Variants in DPF3 observed in about 807,000 individuals in gnomAD.
DPF3 encodes double PHD fingers 3.
In DPF3, 18 loss-of-function variants were observed where a neutral mutation model predicts 56.8. The ratio of observed to expected loss-of-function variants is 0.32; its 90% CI spans 0.22 to 0.47. DPF3 has a LOEUF of 0.47. Ranked by LOEUF, DPF3 falls within the 20% of genes least tolerant of loss-of-function variation. The pLI, the probability that DPF3 is intolerant of heterozygous loss-of-function variation, is 1.00. For missense variants in DPF3, 403 were observed against 488.8 expected, an observed-to-expected ratio of 0.82 and a Z score of 1.65; for synonymous variants, 188 against 180.2, an observed-to-expected ratio of 1.04 and a Z score of -0.35.
intron 1 of DPF3, among the ~76,000 whole-genome samples, chr14:72,852,522 C>T (rs145376047): frequency 0.014 from 2,138 of 152,308 alleles, 44 homozygotes; most frequent in African/African-American, 0.049. Context: ...TGCCTGGCTG[C>T]TCTTTCCATC....
chr14:72,742,443 T>G (rs1260012342), intron 3 of DPF3: 15 of 151,542 alleles, frequency 9.9e-5, no homozygotes, highest in Admixed American at 9.3e-4. Flanking sequence ...GGCTCACACC[T>G]GGCTCGAGGC....
chr14:72,673,447 T>C (rs1567196433), intron 8 of DPF3, among the ~76,000 whole-genome samples: 1 of 152,044 alleles, frequency 6.6e-6, no homozygotes, highest in Non-Finnish European at 1.5e-5. Context: ...TAATACAATA[T>C]GAAAAATAGG....
At chr14:72,842,404 G>A (rs1884582710) in intron 1 of DPF3, among the ~76,000 whole-genome samples, 1 of 152,226 alleles carries the variant, frequency 6.6e-6, no homozygotes, top group East Asian at 1.9e-4. Context: ...CGATGAGAAT[G>A]AATGATCTAC....
At chr14:72,789,914 C>T (rs1375996449) in intron 1 of DPF3, among the ~76,000 whole-genome samples, 1 of 152,210 alleles carries the variant, frequency 6.6e-6, no homozygotes, top group African/African-American at 2.4e-5. Flanking sequence ...AGCTCTGGCA[C>T]TCATTCTTTT....
At chr14:72,629,347 G>A in intron 9 of DPF3, among the ~76,000 whole-genome samples, 1 of 152,124 alleles carries the variant, frequency 6.6e-6, no homozygotes, top group Non-Finnish European at 1.5e-5. Context: ...AATAAAAAAT[G>A]TTCTTGAAAA....
intron 1 of DPF3, among the ~76,000 whole-genome samples, chr14:72,834,129 G>A (rs183087529): frequency 7.0e-4 from 106 of 151,968 alleles, no homozygotes; most frequent in Non-Finnish European, 1.1e-3. Context: ...CGTGAGCCGA[G>A]ACTGCGCCAT....
At chr14:72,853,034 C>CGTGTGTGTGTGT (rs10522943) in intron 1 of DPF3, among the ~76,000 whole-genome samples, 5,312 of 144,018 alleles carry the variant, frequency 0.037, 185 homozygotes, top group Middle Eastern at 0.095. Flanking sequence ...CATAGCCTTG[C>CGTGTGTGTGTGT]GTGTGTGTGT....
intron 1 of DPF3, among the ~76,000 whole-genome samples, chr14:72,876,229 G>T (rs1199205410): frequency 6.6e-6 from 1 of 152,184 alleles, no homozygotes; most frequent in African/African-American, 2.4e-5. Flanking sequence ...GCTCACACCA[G>T]TGTGGGCCCC....
intron 5 of DPF3, among the ~76,000 whole-genome samples, chr14:72,722,994 C>T (rs539724502): frequency 2.8e-4 from 42 of 152,038 alleles, no homozygotes; most frequent in African/African-American, 9.9e-4. Flanking sequence ...CCCTGCTACC[C>T]CGGCAAACTT....
chr14:72,644,514 G>T (rs894262425), intron 8 of DPF3, among the ~76,000 whole-genome samples: 1 of 152,218 alleles, frequency 6.6e-6, no homozygotes, highest in South Asian at 2.1e-4. Context: ...AAATTAGAGA[G>T]TTGGAATAGT....
intron 3 of DPF3, among the ~76,000 whole-genome samples, chr14:72,747,661 T>C (rs1890382164): frequency 6.6e-6 from 1 of 151,728 alleles, no homozygotes; most frequent in Non-Finnish European, 1.5e-5. Context: ...TGATATGGTT[T>C]GGCTCTGTGT....
At position 72,733,843 on chromosome 14, in the gene DPF3, C is replaced by T. The variant is rs757022093; in HGVS notation, c.302-1909G>A. 5.0e-4 allele frequency among the ~76,000 whole-genome samples: 76 copies of T among 152,266 alleles called. 1 individual carries two copies. The highest frequency in any genetic ancestry group is 3.4e-3 in the Middle Eastern group (1 of 294). On this transcript the variant is annotated intron_variant, in intron 3 of 10. Coordinates refer to ENST00000556509, the MANE Select transcript of DPF3 (RefSeq NM_001280542.3). ...GGAGTCTGACCAATCCATGAGGAAG[C>T]GGCAAGCGGGCATCCATTAAAACTG...
intron 5 of DPF3, among the ~76,000 whole-genome samples, chr14:72,717,207 C>T (rs550295065): frequency 1.3e-5 from 2 of 152,344 alleles, no homozygotes; most frequent in African/African-American, 4.8e-5. Flanking sequence ...CAAGAATCTT[C>T]CTCTTGCCAC....
chr14:72,878,816 C>T (rs1230981882), intron 1 of DPF3, among the ~76,000 whole-genome samples: 1 of 152,224 alleles, frequency 6.6e-6, no homozygotes, highest in African/African-American at 2.4e-5. Flanking sequence ...CTAGAATGAG[C>T]GAGGCTGCCA....
At chr14:72,679,907 G>A (rs1028709513) in intron 7 of DPF3, among the ~76,000 whole-genome samples, 1 of 152,224 alleles carries the variant, frequency 6.6e-6, no homozygotes, top group African/African-American at 2.4e-5. Flanking sequence ...GAGATGAGAG[G>A]GTGGGGAGTA....
intron 1 of DPF3, among the ~76,000 whole-genome samples, chr14:72,831,938 C>G (rs749025668): frequency 2.0e-5 from 3 of 152,160 alleles, no homozygotes; most frequent in Non-Finnish European, 4.4e-5. Flanking sequence ...TGAGGAAGGG[C>G]TAGGTGTGGT....
intron 9 of DPF3, among the ~76,000 whole-genome samples, chr14:72,625,185 G>C (rs911487929): frequency 3.9e-5 from 6 of 152,126 alleles, no homozygotes; most frequent in Admixed American, 2.0e-4. Context: ...ACTGTGAAGT[G>C]TGCCCAATGA....
At chr14:72,707,734 T>C (rs1888467451) in intron 6 of DPF3, among the ~76,000 whole-genome samples, 1 of 151,896 alleles carries the variant, frequency 6.6e-6, no homozygotes, top group Non-Finnish European at 1.5e-5. Flanking sequence ...AATCCTAGAA[T>C]GGAATACAGC....
Position 72,663,166 on chromosome 14 carries a change from C to CAAAAAAAAA in DPF3, c.871+11065_871+11073dup, listed in dbSNP as rs56335418. ...TGTAGCAGGCAGAACTGGGTGTTAG[C>CAAAAAAAAA]AAAAAAAAAAAAAAAAAATTCCCCT... is the stretch of plus-strand genomic sequence containing the variant. On this transcript the variant is annotated intron_variant, in intron 8 of 10. Transcript: ENST00000556509. 1.9e-3 allele frequency among the ~76,000 whole-genome samples: 166 copies of CAAAAAAAAA among 88,530 alleles called. 10 individuals are homozygous for CAAAAAAAAA. The highest frequency in any genetic ancestry group is 5.8e-3 in the East Asian group (10 of 1,736). 58.1% of individuals were successfully genotyped at this position (88,530 alleles called of 152,430 possible).
Sources: gnomAD v4.1 joint callset for allele counts (sites outside exome capture counted in the v4.1 genomes callset) on GRCh38, gnomAD v4.1.1 for gene constraint, MANE v1.5 for transcripts, NCBI Gene and HGNC (gene_info 2026-07-23, HGNC 2026-07-21) for gene names.